The following PPP3CC variants were observed in gnomAD, a reference collection of about 807,000 sequenced individuals.
The protein encoded by PPP3CC is serine/threonine-protein phosphatase 2B catalytic subunit gamma isoform.
PPP3CC carries 35 observed loss-of-function variants against 60.3 expected under a neutral mutation model. The observed-to-expected ratio is 0.58, with a 90% CI of 0.44 to 0.77. The LOEUF is 0.77. Among genes scored for constraint, PPP3CC ranks in the 30% least tolerant of loss-of-function variants. The probability of loss-of-function intolerance (pLI) is 0.00; values close to 1 mark genes in which losing one functional copy is unlikely to be tolerated. For synonymous variants in PPP3CC, 206 were observed against 224.3 expected (o/e 0.92, Z 0.73); for missense variants, 570 against 628.9 (o/e 0.91, Z 1.00).
At position 22,457,675 on chromosome 8, in the gene PPP3CC, T is replaced by C. The variant is rs149096116; in HGVS notation, c.49+16217T>C. Reference sequence around the variant, plus strand: ...ATCGTTGATTTCCCCCTTTATAATCTTCCGTACTTACAGTCTGAACCATAC... The same window carrying C: ...ATCGTTGATTTCCCCCTTTATAATCCTCCGTACTTACAGTCTGAACCATAC... On this transcript the variant is annotated intron_variant, in intron 1 of 13. Transcript: ENST00000240139. 1.7e-3 allele frequency among the ~76,000 whole-genome samples: 262 copies of C among 152,366 alleles called. 2 individuals carry two copies. The highest frequency in any genetic ancestry group is 3.4e-3 in the Middle Eastern group (1 of 294).
At chr8:22,520,940 C>T (rs543379610) in intron 6 of PPP3CC, among the ~76,000 whole-genome samples, 7 of 152,276 alleles carry the variant, frequency 4.6e-5, no homozygotes, top group Middle Eastern at 3.4e-3. Context: ...TTTATGGACT[C>T]GTTCGCCAAG....
chr8:22,532,854 C>A (rs1839752199), intron 11 of PPP3CC, 67 bp from the exon 12 acceptor site: 2 of 1,111,242 alleles, frequency 1.8e-6, no homozygotes, highest in Non-Finnish European at 2.5e-6. Context: ...TCACTTCCTT[C>A]AATATCTTTA....
At chr8:22,522,139 GCACACACA>G (rs35520234) in intron 6 of PPP3CC, among the ~76,000 whole-genome samples, 15 of 148,906 alleles carry the variant, frequency 1.0e-4, no homozygotes, top group Admixed American at 4.0e-4. Flanking sequence ...ACACACACAC[GCACACACA>G]CACACACACA....
intron 1 of PPP3CC, among the ~76,000 whole-genome samples, chr8:22,456,332 G>A (rs544031837): frequency 2.6e-5 from 4 of 152,302 alleles, no homozygotes; most frequent in African/African-American, 9.6e-5. Flanking sequence ...GTATATTGTA[G>A]TAGCATACAG....
chr8:22,449,871 T>C (rs1480866788), intron 1 of PPP3CC, among the ~76,000 whole-genome samples: 1 of 150,082 alleles, frequency 6.7e-6, no homozygotes, highest in East Asian at 1.9e-4. Context: ...TTCTTTTCTT[T>C]TTTTTTTTTT....
intron 1 of PPP3CC, among the ~76,000 whole-genome samples, chr8:22,474,153 C>T (rs1174963911): frequency 5.9e-5 from 9 of 152,018 alleles, no homozygotes; most frequent in African/African-American, 2.2e-4. Flanking sequence ...CCTCAGCCTC[C>T]CAAAGTGCTG....
chr8:22,473,299 G>A (rs959558782), intron 1 of PPP3CC, among the ~76,000 whole-genome samples: 5 of 152,180 alleles, frequency 3.3e-5, no homozygotes, highest in African/African-American at 1.2e-4. Context: ...ATCTAAAGTA[G>A]ACTGTGTTAT....
intron 1 of PPP3CC, among the ~76,000 whole-genome samples, chr8:22,458,600 AAAAAATAAAAAT>A (rs563406985): frequency 6.5e-4 from 99 of 152,062 alleles, no homozygotes; most frequent in Non-Finnish European, 1.0e-3. Context: ...ACCGTCTCAA[AAAAAATAAAAAT>A]AAAAATAAAA....
intron 1 of PPP3CC, among the ~76,000 whole-genome samples, chr8:22,456,528 C>T (rs1837200141): frequency 6.6e-6 from 1 of 152,122 alleles, no homozygotes; most frequent in Non-Finnish European, 1.5e-5. Context: ...TGTCAGTATC[C>T]CACACCACCA....
intron 12 of PPP3CC, among the ~76,000 whole-genome samples, chr8:22,537,604 C>T (rs1011726660): frequency 1.3e-5 from 2 of 152,130 alleles, no homozygotes; most frequent in African/African-American, 4.8e-5. Context: ...AAAACTTGTA[C>T]ACAAATGTTC....
At chr8:22,526,134 C>A (rs1282420559) in intron 8 of PPP3CC, among the ~76,000 whole-genome samples, 6 of 152,204 alleles carry the variant, frequency 3.9e-5, no homozygotes, top group African/African-American at 1.4e-4. Context: ...TCCCAAAGTG[C>A]TAGGAGTGCT....
intron 1 of PPP3CC, among the ~76,000 whole-genome samples, chr8:22,464,621 A>G (rs1326835397): frequency 6.6e-6 from 1 of 151,962 alleles, no homozygotes; most frequent in African/African-American, 2.4e-5. Flanking sequence ...AGCTCAAGCA[A>G]TCCACCCACC....
At chr8:22,453,206 T>C (rs1182592231) in intron 1 of PPP3CC, among the ~76,000 whole-genome samples, 1 of 152,160 alleles carries the variant, frequency 6.6e-6, no homozygotes, top group Non-Finnish European at 1.5e-5. Context: ...ATGCCCATAG[T>C]GGGTGGTTAA....
intron 3 of PPP3CC, among the ~76,000 whole-genome samples, chr8:22,479,854 AAG>A (rs1455074666): frequency 6.6e-6 from 1 of 152,132 alleles, no homozygotes; most frequent in Non-Finnish European, 1.5e-5. Context: ...TTTTATGAGA[AAG>A]AAAAATGTTA....
intron 10 of PPP3CC, among the ~76,000 whole-genome samples, chr8:22,530,235 AAAAC>A (rs1241647118): frequency 6.6e-6 from 1 of 152,158 alleles, no homozygotes; most frequent in Non-Finnish European, 1.5e-5. Flanking sequence ...AGCCAAGTGA[AAAAC>A]AAAAGAAAAA....
chr8:22,498,491 T>TA (rs746072464), intron 4 of PPP3CC, among the ~76,000 whole-genome samples: 7 of 152,172 alleles, frequency 4.6e-5, no homozygotes, highest in Non-Finnish European at 8.8e-5. Context: ...CACTTAGAGG[T>TA]AATCACTGTT....
intron 4 of PPP3CC, among the ~76,000 whole-genome samples, chr8:22,508,646 G>A (rs954881717): frequency 2.0e-5 from 3 of 152,158 alleles, no homozygotes; most frequent in Admixed American, 1.3e-4. Context: ...ATGTTATGGA[G>A]CATAAATTAA....
intron 1 of PPP3CC, among the ~76,000 whole-genome samples, chr8:22,446,910 G>T (rs1440042106): frequency 2.0e-5 from 3 of 149,496 alleles, no homozygotes; most frequent in Non-Finnish European, 4.4e-5. Flanking sequence ...TTGGAACTTT[G>T]CTGCTACTTA....
intron 1 of PPP3CC, among the ~76,000 whole-genome samples, chr8:22,454,294 A>T (rs571005428): frequency 6.6e-6 from 1 of 152,178 alleles, no homozygotes; most frequent in African/African-American, 2.4e-5. Flanking sequence ...AGGATGATCA[A>T]TGTCACTGTC....
Sources: allele counts gnomAD v4.1 joint callset (sites outside exome capture counted in the v4.1 genomes callset), GRCh38; gene constraint gnomAD v4.1.1; transcripts MANE v1.5; gene names NCBI Gene and HGNC (gene_info 2026-07-23, HGNC 2026-07-21).